Variants in TBC1D32 observed in about 807,000 individuals in gnomAD.
The protein encoded by TBC1D32 is protein broad-minded.
In TBC1D32, 151 loss-of-function variants were observed where a neutral mutation model predicts 170.3. The observed-to-expected ratio is 0.89, with a 90% confidence interval of 0.78 to 1.01. The LOEUF (loss-of-function observed/expected upper bound fraction) is 1.01, where lower values mean the gene tolerates loss of function less well. Ranked by LOEUF, TBC1D32 falls within the 50% of genes least tolerant of loss-of-function variation. The pLI is 0.00. For synonymous variants in TBC1D32, 498 were observed against 488.0 expected (o/e 1.02, Z -0.27); for missense variants, 1,464 against 1,457.1 (o/e 1.00, Z -0.08).
intron 22 of TBC1D32, among the ~76,000 whole-genome samples, chr6:121,182,805 A>G (rs1488573399): frequency 3.3e-5 from 5 of 151,906 alleles, no homozygotes; most frequent in Non-Finnish European, 7.4e-5. Context: ...CCCAATTATG[A>G]AAAAAAATCA....
chr6:121,096,208 G>A (rs964929347), intron 30 of TBC1D32: 5 of 152,036 alleles, frequency 3.3e-5, no homozygotes, highest in African/African-American at 9.7e-5. Context: ...AGATTTTCTA[G>A]TTTATTTGTG....
At position 121,160,929 on chromosome 6, in the gene TBC1D32, C is replaced by A; in HGVS notation, c.2679+19G>T. On this transcript the variant is annotated intron_variant, in intron 23 of 31. Transcript: ENST00000398212. ...TATGTCAGAAAAACACATCCCACTT[C>A]TCTTTGCCCCACACTCACCTTTTCG... 1 of 1,595,710 alleles carries A rather than the reference C, an allele frequency of 6.3e-7. No homozygotes were observed. Among genetic ancestry groups the A allele is most frequent in the Non-Finnish European group, 8.6e-7 (1 of 1,163,538 alleles).
At chr6:121,261,277 G>A (rs922057657) in intron 15 of TBC1D32, among the ~76,000 whole-genome samples, 1 of 152,158 alleles carries the variant, frequency 6.6e-6, no homozygotes, top group Non-Finnish European at 1.5e-5. Flanking sequence ...CTCTGCCAAG[G>A]AGCAGTCAAA....
intron 30 of TBC1D32, among the ~76,000 whole-genome samples, chr6:121,102,836 C>T (rs1466821489): frequency 1.3e-5 from 2 of 152,192 alleles, no homozygotes; most frequent in African/African-American, 2.4e-5. Flanking sequence ...TTGCAATCTA[C>T]TCATCTGACA....
At chr6:121,229,834 G>A (rs889717137) in intron 20 of TBC1D32, among the ~76,000 whole-genome samples, 33 of 152,166 alleles carry the variant, frequency 2.2e-4, no homozygotes, top group Admixed American at 6.5e-4. Context: ...CATGCCAAAG[G>A]AAGGACCTGG....
chr6:121,123,705 T>C (rs1780525409), intron 26 of TBC1D32, among the ~76,000 whole-genome samples: 1 of 152,100 alleles, frequency 6.6e-6, no homozygotes, highest in African/African-American at 2.4e-5. Flanking sequence ...TATCTTTCAA[T>C]AGAAAAATTC....
At chr6:121,268,111 C>T (rs1800802131) in intron 15 of TBC1D32, among the ~76,000 whole-genome samples, 1 of 151,912 alleles carries the variant, frequency 6.6e-6, no homozygotes, top group South Asian at 2.1e-4. Context: ...TGTACGTCAC[C>T]ATCATAAAAG....
At chr6:121,138,817 A>G (rs1282798027) in intron 24 of TBC1D32, among the ~76,000 whole-genome samples, 1 of 151,970 alleles carries the variant, frequency 6.6e-6, no homozygotes, top group Non-Finnish European at 1.5e-5. Context: ...ATCATGTTAT[A>G]TTACACTTCA....
At position 121,115,244 on chromosome 6, in the gene TBC1D32, A is replaced by G; in HGVS notation, c.2984-3T>C. 3 of 1,590,292 alleles carry G rather than the reference A, an allele frequency of 1.9e-6. No homozygotes were observed. The highest frequency in any genetic ancestry group is 2.6e-6 in the Non-Finnish European group (3 of 1,166,466). ...ATTCTTCACATTTGCATCAGTAGCT[A>G]AAGACAACAGAAAACTGAGTTATAA... On this transcript the variant is annotated splice_region_variant and splice_polypyrimidine_tract_variant and intron_variant, in intron 26 of 31. Transcript: ENST00000398212.
At chr6:121,226,749 G>A (rs180826699) in intron 20 of TBC1D32, among the ~76,000 whole-genome samples, 11 of 152,254 alleles carry the variant, frequency 7.2e-5, no homozygotes, top group African/African-American at 2.4e-4. Context: ...ATTCTTTAAA[G>A]TAGTATGGTC....
At position 121,080,846 on chromosome 6, in the gene TBC1D32, G is replaced by A. The variant is rs771929189; in HGVS notation, c.3699C>T (p.Tyr1233=). The change falls in exon 32 of 32, where the codon TAC becomes TAT. Residue 1233 remains tyrosine (Y), a synonymous_variant. Coordinates refer to ENST00000398212, the MANE Select transcript of TBC1D32 (RefSeq NM_152730.6). ...GGTAGTTTTGTTCCAAAATTTCCAT[G>A]TATTCAAAATAATCACTCACTCGAA... ...HGFRVSDYFE[Y]MEILEQNYRT... 9 of 1,613,900 alleles carry A rather than the reference G, an allele frequency of 5.6e-6. No homozygotes were observed. Among genetic ancestry groups the A allele is most frequent in the Non-Finnish European group, 7.6e-6 (9 of 1,179,898 alleles).
chr6:121,206,017 C>CT (rs1792214298), intron 21 of TBC1D32, among the ~76,000 whole-genome samples: 1 of 152,068 alleles, frequency 6.6e-6, no homozygotes, highest in Non-Finnish European at 1.5e-5. Flanking sequence ...CGAGACCAGC[C>CT]TGGCCAACAT....
chr6:121,126,415 G>C lies in TBC1D32; in HGVS notation c.2946C>G (p.Ser982Arg), dbSNP rs768367191. ...CTGAAGGGAAGTAGCATTCAGATGG[G>C]CTTTCAGTGAGATGAAGCACAAATT... ...LEKFVLHLTE[S>R]PSECYFPSVE... Residue 982 changes from serine (S) to arginine (R), a missense_variant, in exon 26 of 32, where the codon AGC (serine) becomes AGG (arginine). Ser to Arg is a moderately radical substitution (Grantham distance 110). Around this residue, in one of 3 missense-constraint regions of TBC1D32, gnomAD observed 1,363 missense variants for 1,338.1 expected, o/e 1.02. Coordinates refer to ENST00000398212, the MANE Select transcript of TBC1D32 (RefSeq NM_152730.6). 6.2e-6 allele frequency: 10 copies of C among 1,612,744 alleles called. No individual in the cohort carries two copies. Among genetic ancestry groups the C allele is most frequent in the South Asian group, 1.1e-5 (1 of 90,980 alleles).
In TBC1D32 at chr6:121,249,038, C is replaced by CA. The variant is rs555308397; in HGVS notation, c.2018+6289dup. Among the ~76,000 whole-genome samples, 17 of 151,544 alleles carry CA rather than the reference C, an allele frequency of 1.1e-4. 2 individuals are homozygous for CA. The South Asian group carries it at 3.3e-3, about 30-fold the overall frequency. On this transcript the variant is annotated intron_variant, in intron 17 of 31. Coordinates refer to ENST00000398212, the MANE Select transcript of TBC1D32 (RefSeq NM_152730.6). ...CCAATATCTCTGATAAACACAGATGCAAAAAAATCCTCAAAATAATACTTG... is the reference window on the plus strand; with the variant it reads ...CCAATATCTCTGATAAACACAGATGCAAAAAAAATCCTCAAAATAATACTTG...
chr6:121,161,182 T>C (rs1161518347), intron 22 of TBC1D32, 126 bp from the exon 23 acceptor site: 19 of 727,332 alleles, frequency 2.6e-5, no homozygotes, highest in Non-Finnish European at 3.3e-5. Flanking sequence ...TTTTCTTTAC[T>C]GCATTTAGCA....
chr6:121,171,061 T>C (rs546534930), intron 22 of TBC1D32, among the ~76,000 whole-genome samples: 57 of 152,122 alleles, frequency 3.7e-4, no homozygotes, highest in African/African-American at 1.0e-3. Flanking sequence ...CCTATTATAA[T>C]GCAAGAGGAC....
intron 31 of TBC1D32, among the ~76,000 whole-genome samples, chr6:121,085,420 C>T (rs1483522541): frequency 6.8e-6 from 1 of 148,086 alleles, no homozygotes; most frequent in Non-Finnish European, 1.5e-5. Context: ...AGAAACATAA[C>T]AACCGGTAAG....
chr6:121,255,284 T>A lies in TBC1D32; in HGVS notation c.2018+44A>T, dbSNP rs1583419596. 5.9e-6 allele frequency: 7 copies of A among 1,193,428 alleles called. No individual in the cohort carries two copies. In the African/African-American group the frequency reaches 7.8e-5, roughly 13 times the overall value. The allele number at this position is 1,193,428 out of a possible 1,614,324, so 73.9% of individuals were successfully genotyped here. A position where few individuals can be genotyped will look rare whatever the true frequency, so the allele number is the denominator to read the frequency against. On this transcript the variant is annotated intron_variant, in intron 17 of 31. Coordinates refer to ENST00000398212, the MANE Select transcript of TBC1D32 (RefSeq NM_152730.6). ...ACATTTTAATAATTTTAAATTTATT[T>A]CAGCAAATATAATAAATGCATGACT...
intron 26 of TBC1D32, among the ~76,000 whole-genome samples, chr6:121,116,251 C>T (rs1164232934): frequency 6.6e-6 from 1 of 151,564 alleles, no homozygotes; most frequent in Non-Finnish European, 1.5e-5. Flanking sequence ...GCTCATTCAT[C>T]CCCTTAGTAA....
Sources: allele counts gnomAD v4.1 joint callset (sites outside exome capture counted in the v4.1 genomes callset), GRCh38; gene constraint gnomAD v4.1.1; regional missense constraint gnomAD v4.1.1; transcripts MANE v1.5; gene names NCBI Gene and HGNC (gene_info 2026-07-23, HGNC 2026-07-21).